Variants in ANKS1A observed in about 807,000 individuals in gnomAD.
The protein encoded by ANKS1A is ankyrin repeat and SAM domain-containing protein 1A.
ANKS1A carries 55 observed loss-of-function variants against 120.3 expected under a neutral mutation model. The ratio of observed to expected loss-of-function variants is 0.46; its 90% CI spans 0.37 to 0.57. The LOEUF (loss-of-function observed/expected upper bound fraction) is 0.57. Among genes scored for constraint, ANKS1A ranks in the 20% least tolerant of loss-of-function variants. The pLI, the probability that ANKS1A is intolerant of heterozygous loss-of-function variation, is 0.00. For missense variants in ANKS1A, 1,123 were observed against 1,480.3 expected (o/e 0.76, Z 3.96); for synonymous variants, 590 against 604.7 (o/e 0.98, Z 0.36).
chr6:35,003,221 A>T (rs1348041513), intron 10 of ANKS1A, among the ~76,000 whole-genome samples: 1 of 152,298 alleles, frequency 6.6e-6, no homozygotes, highest in African/African-American at 2.4e-5. Context: ...CTTAGGCACT[A>T]GACAGCTCAT....
intron 11 of ANKS1A, among the ~76,000 whole-genome samples, chr6:35,048,389 G>C (rs568131662): frequency 6.6e-6 from 1 of 152,266 alleles, no homozygotes; most frequent in Non-Finnish European, 1.5e-5. Flanking sequence ...ATTGTTAGCC[G>C]CCATGTCTGG....
intron 1 of ANKS1A, among the ~76,000 whole-genome samples, chr6:34,922,780 ACCT>A (rs1768506098): frequency 7.0e-6 from 1 of 141,948 alleles, no homozygotes; most frequent in Non-Finnish European, 1.5e-5. Flanking sequence ...TGCAATCTCC[ACCT>A]CCTGGGTTCA....
intron 1 of ANKS1A, among the ~76,000 whole-genome samples, chr6:34,966,802 G>T (rs1476750249): frequency 5.3e-5 from 8 of 152,158 alleles, no homozygotes; most frequent in Non-Finnish European, 1.2e-4. Context: ...GTCTCCTGGT[G>T]CTTTTTTGTC....
At position 35,088,641 on chromosome 6, in the gene ANKS1A, CAT is replaced by C. The variant is rs1360471895; in HGVS notation, c.*34_*35del. The C allele has an allele frequency of 6.8e-6, 11 of 1,614,238 alleles. No individual in the cohort carries two copies. The highest frequency in any genetic ancestry group is 6.6e-5 in the South Asian group (6 of 91,090). ...GAGGAACCACACTGTGCTGCGGAAA[CAT>C]AGACGTGGGGGCATAGGCTCCCACT... On this transcript the variant is annotated 3_prime_UTR_variant, in exon 24 of 24. Transcript: ENST00000360359.
At position 35,060,661 on chromosome 6, in the gene ANKS1A, G is replaced by A. The variant is rs925004344; in HGVS notation, c.2184+408G>A. 1.3e-5 allele frequency among the ~76,000 whole-genome samples: 2 copies of A among 152,192 alleles called. No individual in the cohort carries two copies. Among genetic ancestry groups the A allele is most frequent in the African/African-American group, 4.8e-5 (2 of 41,446 alleles). ...AGCAGAAAGACCCCTTCCCTGCCCA[G>A]CCAAGGCCCAGTGCCTGGGGTAGAG... On this transcript the variant is annotated intron_variant, in intron 13 of 23. Transcript: ENST00000360359. The surrounding 1 kb of genome is among the most constrained non-coding windows in gnomAD (Gnocchi z 4.5).
At chr6:34,920,366 C>T (rs1338566008) in intron 1 of ANKS1A, among the ~76,000 whole-genome samples, 1 of 151,918 alleles carries the variant, frequency 6.6e-6, no homozygotes, top group African/African-American at 2.4e-5. Flanking sequence ...TAGATGTGCA[C>T]CACCATGCCA....
intron 11 of ANKS1A, among the ~76,000 whole-genome samples, chr6:35,020,334 A>G (rs1774269980): frequency 6.6e-6 from 1 of 152,260 alleles, no homozygotes; most frequent in Non-Finnish European, 1.5e-5. Context: ...TAAGTAAACT[A>G]GAGATGATTT....
intron 1 of ANKS1A, among the ~76,000 whole-genome samples, chr6:34,962,518 T>G (rs1770690511): frequency 6.6e-6 from 1 of 152,174 alleles, no homozygotes; most frequent in Non-Finnish European, 1.5e-5. Flanking sequence ...CCAGGCGCTG[T>G]GGCTCATGCC....
intron 10 of ANKS1A, among the ~76,000 whole-genome samples, chr6:35,015,787 T>C (rs2127556509): frequency 6.6e-6 from 1 of 152,376 alleles, no homozygotes; most frequent in East Asian, 1.9e-4. Flanking sequence ...AAAAAACCAC[T>C]GTTGCAGGAG....
chr6:34,893,968 A>T (rs968635672), intron 1 of ANKS1A, among the ~76,000 whole-genome samples: 8 of 152,184 alleles, frequency 5.3e-5, no homozygotes, highest in Non-Finnish European at 7.3e-5. Flanking sequence ...TTTAAATATA[A>T]TTTTTTTACT....
At chr6:34,995,076 C>T (rs1772778056) in intron 10 of ANKS1A, among the ~76,000 whole-genome samples, 1 of 152,196 alleles carries the variant, frequency 6.6e-6, no homozygotes, top group Non-Finnish European at 1.5e-5. Context: ...ATGCAGTTCC[C>T]ACTGCAGTTT....
At chr6:35,041,613 G>A (rs184249888) in intron 11 of ANKS1A, among the ~76,000 whole-genome samples, 27 of 152,288 alleles carry the variant, frequency 1.8e-4, no homozygotes, top group Admixed American at 1.5e-3. Flanking sequence ...AAAAGGCTGT[G>A]TTCTTCCTAG....
intron 10 of ANKS1A, among the ~76,000 whole-genome samples, chr6:35,015,872 C>T (rs1182490350): frequency 6.6e-6 from 1 of 152,204 alleles, no homozygotes; most frequent in African/African-American, 2.4e-5. Flanking sequence ...ATTTTGCACC[C>T]CTCCTCACCT....
At chr6:35,052,368 T>C (rs571872490) in intron 11 of ANKS1A, among the ~76,000 whole-genome samples, 6 of 151,820 alleles carry the variant, frequency 4.0e-5, no homozygotes, top group Non-Finnish European at 8.8e-5. Flanking sequence ...GGTGGATCAC[T>C]TGGGCTCAGG....
intron 23 of ANKS1A, 33 bp from the exon 24 acceptor site, chr6:35,088,573 C>G (rs766052397): frequency 6.2e-7 from 1 of 1,614,036 alleles, no homozygotes; most frequent in South Asian, 1.1e-5. Flanking sequence ...ATTGGTTAAC[C>G]CTTTCCTCCC....
chr6:34,937,059 T>C (rs1217060278), intron 1 of ANKS1A, among the ~76,000 whole-genome samples: 1 of 152,160 alleles, frequency 6.6e-6, no homozygotes, highest in Non-Finnish European at 1.5e-5. Flanking sequence ...ATTACATCCT[T>C]TTTACTCTAT....
chr6:34,891,565 C>T (rs576321866), intron 1 of ANKS1A, among the ~76,000 whole-genome samples: 3 of 152,178 alleles, frequency 2.0e-5, no homozygotes, highest in Non-Finnish European at 4.4e-5. Flanking sequence ...ATATCTTAAC[C>T]CTCAGCATAT....
chr6:35,079,742 C>T (rs914716201), intron 15 of ANKS1A, 74 bp downstream of exon 15: 54 of 1,611,638 alleles, frequency 3.4e-5, no homozygotes, highest in Non-Finnish European at 4.2e-5. Context: ...CCTGGCCCAG[C>T]GGAAGATGCT....
intron 17 of ANKS1A, among the ~76,000 whole-genome samples, chr6:35,081,483 C>G (rs901647196): frequency 6.6e-6 from 1 of 152,212 alleles, no homozygotes; most frequent in African/African-American, 2.4e-5. Flanking sequence ...CACTGCCTCC[C>G]CTGCTGGCCC....
Sources: allele counts gnomAD v4.1 joint callset (sites outside exome capture counted in the v4.1 genomes callset), GRCh38; gene constraint gnomAD v4.1.1; non-coding constraint Gnocchi (gnomAD v3.1); transcripts MANE v1.5; gene names NCBI Gene and HGNC (gene_info 2026-07-23, HGNC 2026-07-21).